The following PDPN variants were observed in gnomAD, a reference collection of about 807,000 sequenced individuals.
The protein encoded by PDPN is podoplanin, also known as PA2.26 antigen.
PDPN carries 12 observed loss-of-function variants against 23.2 expected under a neutral mutation model. The ratio of observed to expected loss-of-function variants is 0.52; its 90% CI spans 0.33 to 0.84. PDPN has a LOEUF of 0.84. Among genes scored for constraint, PDPN ranks in the 40% least tolerant of loss-of-function variants. PDPN has a pLI of 0.02. For missense variants in PDPN, 199 were observed against 212.2 expected (o/e 0.94, Z 0.39); for synonymous variants, 77 against 76.7 (o/e 1.00, Z -0.02).
At chr1:13,600,568 T>C (rs187141249) in intron 1 of PDPN, among the ~76,000 whole-genome samples, 1 of 152,324 alleles carries the variant, frequency 6.6e-6, no homozygotes, top group East Asian at 1.9e-4. Context: ...TTTCACCACG[T>C]TGGCCAGGCT....
intron 2 of PDPN, among the ~76,000 whole-genome samples, chr1:13,609,278 C>G (rs957740709): frequency 3.3e-5 from 5 of 152,040 alleles, no homozygotes; most frequent in Non-Finnish European, 7.4e-5. Context: ...ATCAAACCAC[C>G]CTTTGTACTT....
rs1465188988 is a variant in PDPN at position 13,617,225 on chromosome 1, G to T, written c.*1314G>T. The T allele has an allele frequency of 2.0e-5, 3 of 151,530 alleles. No individual in the cohort carries two copies. The East Asian group carries it at 5.8e-4, about 29-fold the overall frequency. 9.4% of individuals were successfully genotyped at this position (151,530 alleles called of 1,614,324 possible). ...GATGCTCTGTCATGATGGCGGTTGTGCAATTCTGGTATCCTCTAAATTTGT... is the reference window on the plus strand; with the variant it reads ...GATGCTCTGTCATGATGGCGGTTGTTCAATTCTGGTATCCTCTAAATTTGT... On this transcript the variant is annotated 3_prime_UTR_variant, in exon 6 of 6. Coordinates refer to ENST00000621990, the MANE Select transcript of PDPN (RefSeq NM_006474.5).
At chr1:13,606,382 A>G (rs888533658) in intron 1 of PDPN, among the ~76,000 whole-genome samples, 28 of 152,236 alleles carry the variant, frequency 1.8e-4, no homozygotes, top group Non-Finnish European at 3.8e-4. Flanking sequence ...CCCTGTAGAC[A>G]GTAATCTCAA....
intron 1 of PDPN, among the ~76,000 whole-genome samples, chr1:13,592,202 T>C (rs911521757): frequency 6.6e-6 from 1 of 152,266 alleles, no homozygotes. Context: ...CTCCTTTATA[T>C]ATTCTAGATA....
rs187331566 is a variant in PDPN at position 13,616,051 on chromosome 1, C to T, written c.*140C>T. The T allele has an allele frequency of 2.8e-4, 212 of 759,764 alleles. 1 individual carries two copies. In the East Asian group the frequency reaches 3.1e-3, roughly 11 times the overall value. The allele number at this position is 759,764 out of a possible 1,614,324, so 47.1% of individuals were successfully genotyped here. The stretch of plus-strand genomic sequence containing the variant: ...CACTCAGAATCCACGGTGACCTCTC[C>T]GCTTGCCAAAATAACCGAAGGAAAG... On this transcript the variant is annotated 3_prime_UTR_variant, in exon 6 of 6. Transcript: ENST00000621990.
At chr1:13,615,123 A>G (rs1641035888) in intron 5 of PDPN, among the ~76,000 whole-genome samples, 2 of 152,154 alleles carry the variant, frequency 1.3e-5, no homozygotes, top group Non-Finnish European at 2.9e-5. Context: ...GGTCTTTTTC[A>G]TTGAGATCTT....
chr1:13,601,976 TGCC>T (rs1640652131), intron 1 of PDPN, among the ~76,000 whole-genome samples: 2 of 52,274 alleles, frequency 3.8e-5, no homozygotes, highest in African/African-American at 1.2e-4. Context: ...CGGTGGCTCA[TGCC>T]TTTGGGTGGC....
In PDPN at chr1:13,583,859, T is replaced by G. The variant is rs909745893; in HGVS notation, c.-175T>G. 6.3e-7 allele frequency: 1 copy of G among 1,596,334 alleles called. No homozygotes were observed. Among genetic ancestry groups the G allele is most frequent in the African/African-American group, 1.3e-5 (1 of 74,298 alleles). The stretch of plus-strand genomic sequence containing the variant: ...CTGCAAAGTTTGCTGTCCGGCTGCC[T>G]AGGGTCTGGGAAGCTCGGGCACCCT... On this transcript the variant is annotated 5_prime_UTR_variant, in exon 1 of 6. Transcript: ENST00000621990.
intron 2 of PDPN, 56 bp from the exon 3 acceptor site, chr1:13,610,331 T>A: frequency 6.6e-7 from 1 of 1,504,958 alleles, no homozygotes; most frequent in Non-Finnish European, 9.1e-7. Flanking sequence ...GCAGGGGATA[T>A]ATTTTAAAGA....
chr1:13,615,877 C>A (rs1470433324), intron 5 of PDPN, 28 bp from the exon 6 acceptor site: 9 of 1,607,540 alleles, frequency 5.6e-6, no homozygotes, highest in Non-Finnish European at 6.0e-6. Context: ...GTAAGAGACA[C>A]GACCGTCACC....
chr1:13,610,452 AGTCCACGC>A lies in PDPN; in HGVS notation c.269_276del (p.Val90AlafsTer30). The A allele has an allele frequency of 6.2e-7, 1 of 1,614,106 alleles. No individual in the cohort carries two copies. Among genetic ancestry groups the A allele is most frequent in the Non-Finnish European group, 8.5e-7 (1 of 1,179,974 alleles). On this transcript the variant is annotated frameshift_variant, in exon 3 of 6. Transcript: ENST00000621990. LOFTEE classifies it high-confidence loss of function. ...AGGATCTGCCAACTTCAGAAAGCAC[AGTCCACGC>A]GCAAGAACAAAGTCCAAGCGCCACA...
intron 3 of PDPN, among the ~76,000 whole-genome samples, chr1:13,613,183 T>G (rs1640979035): frequency 1.3e-5 from 2 of 152,148 alleles, no homozygotes; most frequent in Admixed American, 1.3e-4. Flanking sequence ...AAAATTTGGA[T>G]TTTGCTACCA....
chr1:13,597,314 G>C (rs1321300606), intron 1 of PDPN, among the ~76,000 whole-genome samples: 1 of 152,146 alleles, frequency 6.6e-6, no homozygotes, highest in East Asian at 1.9e-4. Flanking sequence ...AGACACTAGG[G>C]CAGCGCAAGA....
At chr1:13,605,278 G>A (rs1640752845) in intron 1 of PDPN, among the ~76,000 whole-genome samples, 1 of 152,104 alleles carries the variant, frequency 6.6e-6, no homozygotes, top group South Asian at 2.1e-4. Flanking sequence ...TGTAAGTGCT[G>A]CCTAGAGACA....
chr1:13,602,507 C>T (rs549340507), intron 1 of PDPN, among the ~76,000 whole-genome samples: 2 of 152,304 alleles, frequency 1.3e-5, no homozygotes, highest in African/African-American at 4.8e-5. Context: ...ACTGAAATCA[C>T]TTATTTAAAA....
chr1:13,609,870 G>A (rs968302444), intron 2 of PDPN, among the ~76,000 whole-genome samples: 1 of 151,900 alleles, frequency 6.6e-6, no homozygotes. Flanking sequence ...TTCGAGGCCA[G>A]CCTGACCAAC....
intron 2 of PDPN, among the ~76,000 whole-genome samples, chr1:13,609,955 T>G (rs552592998): frequency 2.6e-5 from 4 of 152,140 alleles, no homozygotes; most frequent in Admixed American, 6.5e-5. Flanking sequence ...TCCCAGCTAC[T>G]CGGGAGGCTG....
chr1:13,608,835 A>G (rs1361712524), intron 2 of PDPN, among the ~76,000 whole-genome samples: 1 of 152,096 alleles, frequency 6.6e-6, no homozygotes, highest in Admixed American at 6.6e-5. Context: ...ACTGAGCCCG[A>G]TTGGCTAACT....
At chr1:13,613,651 TA>T in intron 3 of PDPN, 35 bp from the exon 4 acceptor site, 1 of 1,050,794 alleles carries the variant, frequency 9.5e-7, no homozygotes, top group Non-Finnish European at 1.5e-6. Context: ...TATTAAACCC[TA>T]ATAATTCTAC....
Sources: allele counts gnomAD v4.1 joint callset (sites outside exome capture counted in the v4.1 genomes callset), GRCh38; gene constraint gnomAD v4.1.1; transcripts MANE v1.5; gene names NCBI Gene and HGNC (gene_info 2026-07-23, HGNC 2026-07-21).